The following DPP6 variants were observed in gnomAD, a reference collection of about 807,000 sequenced individuals.
The protein encoded by DPP6 is dipeptidyl peptidase like 6, also known as A-type potassium channel modulatory protein DPP6.
DPP6 carries 69 observed loss-of-function variants against 122.6 expected under a neutral mutation model. That is an observed-to-expected ratio of 0.56 (90% CI 0.46 to 0.69). DPP6 has a LOEUF of 0.69. Ranked by LOEUF, DPP6 falls within the 30% of genes least tolerant of loss-of-function variation. DPP6 has a pLI of 0.00. For missense variants in DPP6, 928 were observed against 1,116.9 expected (o/e 0.83, Z 2.41); for synonymous variants, 418 against 433.1 (o/e 0.97, Z 0.43).
chr7:154,730,353 A>T (rs1842277586), intron 8 of DPP6, among the ~76,000 whole-genome samples: 1 of 152,142 alleles, frequency 6.6e-6, no homozygotes, highest in Admixed American at 6.6e-5. Context: ...GGACATGACA[A>T]GGGTCTTCCA....
chr7:154,325,722 G>C (rs918225738), intron 1 of DPP6, among the ~76,000 whole-genome samples: 5 of 152,146 alleles, frequency 3.3e-5, no homozygotes, highest in African/African-American at 1.2e-4. Context: ...ATTGAGAACT[G>C]CACCAAGACT....
chr7:154,696,651 T>G (rs1285089179), intron 7 of DPP6, among the ~76,000 whole-genome samples: 1 of 152,200 alleles, frequency 6.6e-6, no homozygotes, highest in Non-Finnish European at 1.5e-5. Flanking sequence ...TCTGTCCTGT[T>G]GGGCAAATCA....
intron 1 of DPP6, among the ~76,000 whole-genome samples, chr7:153,899,199 CCTCCTCCTCCTCCTT>C (rs1442982190): frequency 6.6e-6 from 1 of 151,552 alleles, no homozygotes; most frequent in Middle Eastern, 3.4e-3. Context: ...TCCTTCTCCT[CCTCCTCCTCCTCCTT>C]CTCCTCCTCC....
intron 1 of DPP6, among the ~76,000 whole-genome samples, chr7:154,333,844 A>C (rs904532767): frequency 1.3e-5 from 2 of 152,212 alleles, no homozygotes; most frequent in Non-Finnish European, 2.9e-5. Context: ...TATAATTTGT[A>C]ATGATTTATA....
At chr7:154,067,515 G>C (rs1431180982) in intron 1 of DPP6, among the ~76,000 whole-genome samples, 1 of 152,134 alleles carries the variant, frequency 6.6e-6, no homozygotes, top group Non-Finnish European at 1.5e-5. Context: ...ATGTGGGCCT[G>C]GAGACTCGTG....
chr7:154,719,232 G>T (rs1841669713), intron 7 of DPP6, among the ~76,000 whole-genome samples: 1 of 152,122 alleles, frequency 6.6e-6, no homozygotes, highest in Admixed American at 6.5e-5. Flanking sequence ...TCTATGCCGG[G>T]CTTGTCTTGG....
chr7:154,405,639 C>T (rs997892154), intron 1 of DPP6, among the ~76,000 whole-genome samples: 1 of 151,984 alleles, frequency 6.6e-6, no homozygotes, highest in African/African-American at 2.4e-5. Flanking sequence ...TGAACAGGGC[C>T]AGGCAGTGTG....
intron 5 of DPP6, among the ~76,000 whole-genome samples, chr7:154,569,371 G>A (rs1830967952): frequency 6.6e-6 from 1 of 151,838 alleles, no homozygotes; most frequent in Non-Finnish European, 1.5e-5. Flanking sequence ...AACAATTAAA[G>A]GTTCCATATT....
intron 1 of DPP6, chr7:154,305,335 T>TTGGGGGGCCCCC: frequency 9.8e-7 from 1 of 1,024,758 alleles, no homozygotes; most frequent in Non-Finnish European, 1.2e-6. Flanking sequence ...TCGTCTTGTC[T>TTGGGGGGCCCCC]ACCCACCCTC....
intron 1 of DPP6, among the ~76,000 whole-genome samples, chr7:153,907,655 C>G: frequency 6.6e-6 from 1 of 152,096 alleles, no homozygotes; most frequent in East Asian, 1.9e-4. Flanking sequence ...AGTTGGAGGT[C>G]TGGATAGAAC....
chr7:153,928,634 G>A (rs145920101), intron 1 of DPP6, among the ~76,000 whole-genome samples: 109 of 151,698 alleles, frequency 7.2e-4, no homozygotes, highest in Non-Finnish European at 1.3e-3. Flanking sequence ...TTTTATCAGG[G>A]CAACAATCCC....
At chr7:153,888,089 G>A (rs971986087) in intron 1 of DPP6, among the ~76,000 whole-genome samples, 5 of 152,244 alleles carry the variant, frequency 3.3e-5, no homozygotes, top group Admixed American at 3.3e-4. Flanking sequence ...GGGGAAACGC[G>A]GGGAGAGGTG....
intron 6 of DPP6, among the ~76,000 whole-genome samples, chr7:154,640,577 G>A (rs943867461): frequency 9.3e-4 from 141 of 152,232 alleles, no homozygotes; most frequent in African/African-American, 3.3e-3. Flanking sequence ...AGTCTTATTT[G>A]TCTTAATGAG....
rs1214060141 is a variant in DPP6 at position 154,062,265 on chromosome 7, G to A, written c.243+9202G>A. 1.4e-4 allele frequency among the ~76,000 whole-genome samples: 11 copies of A among 78,900 alleles called. 4 individuals carry two copies. The highest frequency in any genetic ancestry group is 3.4e-4 in the East Asian group (1 of 2,916). 51.8% of individuals were successfully genotyped at this position (78,900 alleles called of 152,430 possible). ...AATCTTCTGACGGCAGGTACCTTACGTGGGATTACTGAGAGCCAGTCCCTC... is the reference window on the plus strand; with the variant it reads ...AATCTTCTGACGGCAGGTACCTTACATGGGATTACTGAGAGCCAGTCCCTC... On this transcript the variant is annotated intron_variant, in intron 1 of 25. Coordinates refer to ENST00000377770, the MANE Select transcript of DPP6 (RefSeq NM_130797.4).
At chr7:154,610,468 A>G (rs1167567810) in intron 5 of DPP6, among the ~76,000 whole-genome samples, 2 of 152,166 alleles carry the variant, frequency 1.3e-5, no homozygotes, top group Non-Finnish European at 2.9e-5. Context: ...CTGAAAATTG[A>G]ATTTCCTACC....
intron 10 of DPP6, among the ~76,000 whole-genome samples, chr7:154,773,367 T>C (rs1796366049): frequency 1.3e-5 from 2 of 152,150 alleles, no homozygotes; most frequent in African/African-American, 4.8e-5. Context: ...TAAAGCCACA[T>C]CTCCCAGTTG....
At chr7:154,351,513 T>A (rs1219137629) in intron 1 of DPP6, among the ~76,000 whole-genome samples, 1 of 151,856 alleles carries the variant, frequency 6.6e-6, no homozygotes, top group African/African-American at 2.4e-5. Flanking sequence ...CCCCAACTCC[T>A]CCCTGAGTCA....
At chr7:154,692,032 G>A (rs1839960621) in intron 7 of DPP6, among the ~76,000 whole-genome samples, 1 of 152,094 alleles carries the variant, frequency 6.6e-6, no homozygotes, top group Admixed American at 6.6e-5. Context: ...CTGAGCCTCA[G>A]TTTCCCCATT....
intron 1 of DPP6, among the ~76,000 whole-genome samples, chr7:154,393,423 A>C (rs17174400): frequency 0.09 from 13,677 of 152,250 alleles, 705 homozygotes; most frequent in East Asian, 0.12. Flanking sequence ...TAAGTTACTC[A>C]GGGAAAGTAT....
Sources: allele counts gnomAD v4.1 joint callset (sites outside exome capture counted in the v4.1 genomes callset), GRCh38; gene constraint gnomAD v4.1.1; transcripts MANE v1.5; gene names NCBI Gene and HGNC (gene_info 2026-07-23, HGNC 2026-07-21).